The following EML5 variants were observed in gnomAD, a reference collection of about 807,000 sequenced individuals.
EML5 encodes the protein echinoderm microtubule-associated protein-like 5.
In EML5, 120 loss-of-function variants were observed where a neutral mutation model predicts 250.0. The observed-to-expected ratio is 0.48, with a 90% CI of 0.41 to 0.56. EML5 has a LOEUF of 0.56. Ranked by LOEUF, EML5 falls within the 20% of genes least tolerant of loss-of-function variation. EML5 has a pLI of 0.00. For missense variants in EML5, 2,006 were observed against 2,437.6 expected, an observed-to-expected ratio of 0.82 and a Z score of 3.73; for synonymous variants, 771 against 806.5, an observed-to-expected ratio of 0.96 and a Z score of 0.75.
rs759734774 is a variant in EML5, at chr14:88,644,470, T to C, written c.4070A>G (p.Gln1357Arg). ...SRAPPQPEKL[Q>R]TNNVGKKKRP... is the part of the protein sequence containing the mutation. Reference sequence around the variant, plus strand: ...CTTTTTCTTGCCTACATTGTTTGTCTGGAGTTTCTCTGGCTGTGGTGGGGC... The same window carrying C: ...CTTTTTCTTGCCTACATTGTTTGTCCGGAGTTTCTCTGGCTGTGGTGGGGC... Residue 1357 changes from glutamine (Q) to arginine (R), a missense_variant, in exon 30 of 44, where the codon CAG (glutamine) becomes CGG (arginine). Gln to Arg is a conservative substitution (Grantham distance 43). Coordinates refer to ENST00000554922, the MANE Select transcript of EML5 (RefSeq NM_183387.3). 1 of 1,613,852 alleles carries C rather than the reference T, an allele frequency of 6.2e-7. No individual in the cohort carries two copies. The highest frequency in any genetic ancestry group is 8.5e-7 in the Non-Finnish European group (1 of 1,179,798).
At position 88,657,486 on chromosome 14, in the gene EML5, A is replaced by G. The variant is rs1286608608; in HGVS notation, c.3894T>C (p.Val1298=). The G allele has an allele frequency of 1.2e-6, 2 of 1,606,492 alleles. No individual in the cohort carries two copies. Among genetic ancestry groups the G allele is most frequent in the African/African-American group, 1.3e-5 (1 of 74,770 alleles). The change falls in exon 27 of 44, where the codon GTT becomes GTC. Residue 1298 remains valine (V), a synonymous_variant. Transcript: ENST00000554922. ...SEEDGGYDSD[V]TRENEISYTI... ...TGTAACTGATTTCATTCTCCCTTGT[A>G]ACATCACTGTCATAGCCTACAATAA...
chr14:88,712,896 A>G (rs1360141197), intron 9 of EML5, among the ~76,000 whole-genome samples: 1 of 152,220 alleles, frequency 6.6e-6, no homozygotes, highest in Non-Finnish European at 1.5e-5. Context: ...AGAGAACTGG[A>G]AAAGACCAAG....
intron 29 of EML5, among the ~76,000 whole-genome samples, chr14:88,646,724 A>T (rs778647306): frequency 1.4e-4 from 21 of 152,294 alleles, no homozygotes; most frequent in Non-Finnish European, 2.6e-4. Flanking sequence ...ATAAAATTAT[A>T]CAAGTTGAAT....
chr14:88,756,651 C>T (rs759509325), intron 1 of EML5, among the ~76,000 whole-genome samples: 7 of 151,912 alleles, frequency 4.6e-5, no homozygotes, highest in Non-Finnish European at 8.8e-5. Context: ...GCAGGATATA[C>T]GATCAACATA....
intron 1 of EML5, among the ~76,000 whole-genome samples, chr14:88,780,296 G>T (rs888139605): frequency 6.6e-6 from 1 of 152,028 alleles, no homozygotes; most frequent in Non-Finnish European, 1.5e-5. Context: ...GACTGTCTTT[G>T]TTCTAGGCTA....
chr14:88,626,056 AC>A (rs961526492), intron 35 of EML5: 2 of 151,972 alleles, frequency 1.3e-5, no homozygotes, highest in African/African-American at 4.8e-5. Context: ...CTGTCTCACT[AC>A]CTCCTTCTTC....
chr14:88,772,352 T>C (rs886994388), intron 1 of EML5, among the ~76,000 whole-genome samples: 14 of 152,208 alleles, frequency 9.2e-5, no homozygotes, highest in African/African-American at 3.4e-4. Context: ...AGGTGATCTT[T>C]AAAAATAACA....
At chr14:88,700,433 C>T (rs1395503368) in intron 14 of EML5, among the ~76,000 whole-genome samples, 1 of 151,906 alleles carries the variant, frequency 6.6e-6, no homozygotes, top group African/African-American at 2.4e-5. Context: ...GGAATCAAAA[C>T]AGTAGATGGA....
At chr14:88,693,022 C>A (rs541164974) in intron 17 of EML5, among the ~76,000 whole-genome samples, 1 of 152,148 alleles carries the variant, frequency 6.6e-6, no homozygotes, top group East Asian at 1.9e-4. Context: ...AGAAAACAGA[C>A]ATTTTTTATT....
chr14:88,629,340 A>G (rs1446618932), intron 33 of EML5, among the ~76,000 whole-genome samples: 1 of 152,198 alleles, frequency 6.6e-6, no homozygotes. Context: ...TGAGCTTCTC[A>G]TATTTTTATA....
At chr14:88,783,593 G>C (rs1366072343) in intron 1 of EML5, among the ~76,000 whole-genome samples, 1 of 152,144 alleles carries the variant, frequency 6.6e-6, no homozygotes, top group Non-Finnish European at 1.5e-5. Flanking sequence ...TGACAAAGGG[G>C]TCAATTCAGC....
At chr14:88,791,046 G>A (rs767826335) in intron 1 of EML5, among the ~76,000 whole-genome samples, 3 of 152,110 alleles carry the variant, frequency 2.0e-5, no homozygotes, top group Middle Eastern at 3.4e-3. Context: ...ACTGAATACA[G>A]AGCACCACCT....
Position 88,626,979 on chromosome 14 carries a change from T to C in EML5, c.4599A>G (p.Ser1533=). Residue 1533 remains serine, a synonymous_variant, in exon 35 of 44, where the codon TCA becomes TCG. Coordinates refer to ENST00000554922, the MANE Select transcript of EML5 (RefSeq NM_183387.3). ...RIFVAEFRPD[S]DTQFVSVGVK... Reference sequence around the variant, plus strand: ...CTCCCACTGAGACAAACTGGGTATCTGAATCTGGTCGGAATTCTGCCACAA... The same window carrying C: ...CTCCCACTGAGACAAACTGGGTATCCGAATCTGGTCGGAATTCTGCCACAA... 2 of 1,613,994 alleles carry C rather than the reference T, an allele frequency of 1.2e-6. No homozygotes were observed. Among genetic ancestry groups the C allele is most frequent in the Non-Finnish European group, 1.7e-6 (2 of 1,179,882 alleles).
At chr14:88,622,537 G>T in intron 37 of EML5, 67 bp downstream of exon 37, 2 of 1,253,776 alleles carry the variant, frequency 1.6e-6, no homozygotes, top group Non-Finnish European at 2.2e-6. Flanking sequence ...TGCAAAGGGT[G>T]AGGGAATCAC....
intron 2 of EML5, among the ~76,000 whole-genome samples, chr14:88,752,606 G>A (rs183223947): frequency 2.6e-5 from 4 of 152,184 alleles, no homozygotes; most frequent in Admixed American, 2.6e-4. Flanking sequence ...TTACTAATAT[G>A]AACAGGAGGC....
At chr14:88,694,235 A>G (rs2093026157) in intron 17 of EML5, 72 bp downstream of exon 17, 1 of 1,022,756 alleles carries the variant, frequency 9.8e-7, no homozygotes, top group Non-Finnish European at 1.5e-6. Flanking sequence ...TACACACTGC[A>G]CTTAGCTAAA....
At chr14:88,636,116 A>G (rs1037650839) in intron 32 of EML5, among the ~76,000 whole-genome samples, 9 of 152,184 alleles carry the variant, frequency 5.9e-5, no homozygotes, top group African/African-American at 2.2e-4. Flanking sequence ...TACACAAAGA[A>G]CAGCTTGGCC....
intron 33 of EML5, among the ~76,000 whole-genome samples, chr14:88,631,660 C>T (rs1234340056): frequency 1.3e-5 from 2 of 152,274 alleles, no homozygotes; most frequent in South Asian, 2.1e-4. Context: ...ATCTCAGCTA[C>T]TTGGGAGGCT....
chr14:88,751,591 C>T (rs1479751690), intron 2 of EML5, among the ~76,000 whole-genome samples: 1 of 148,870 alleles, frequency 6.7e-6, no homozygotes, highest in African/African-American at 2.5e-5. Flanking sequence ...GGAATATCTA[C>T]AGAACATTCA....
Sources: allele counts gnomAD v4.1 joint callset (sites outside exome capture counted in the v4.1 genomes callset), GRCh38; gene constraint gnomAD v4.1.1; transcripts MANE v1.5; gene names NCBI Gene and HGNC (gene_info 2026-07-23, HGNC 2026-07-21).